The following MGAT3 variants were observed in gnomAD, a reference collection of about 807,000 sequenced individuals.
MGAT3 encodes the protein beta-1,4-mannosyl-glycoprotein 4-beta-N-acetylglucosaminyltransferase.
MGAT3 carries 9 observed loss-of-function variants against 29.8 expected under a neutral mutation model. That is an observed-to-expected ratio of 0.30 (90% confidence interval 0.18 to 0.53). The LOEUF is 0.53. MGAT3 is among the 20% of genes least tolerant of loss of function. The pLI, the probability that MGAT3 is intolerant of heterozygous loss-of-function variation, is 0.96. For missense variants in MGAT3, 557 were observed against 769.5 expected, an observed-to-expected ratio of 0.72 and a Z score of 3.27; for synonymous variants, 397 against 348.9, an observed-to-expected ratio of 1.14 and a Z score of -1.54.
chr22:39,479,330 A>C lies in MGAT3; in HGVS notation c.-1-8017A>C, dbSNP rs764044792. 9.9e-5 allele frequency among the ~76,000 whole-genome samples: 15 copies of C among 152,186 alleles called. No individual in the cohort carries two copies. The South Asian group carries it at 1.2e-3, about 13-fold the overall frequency. ...CTCCAGCCTGCCTGGGTAACAAAGA[A>C]AGACAAAACCCTGTCTAAAAAAATT... On this transcript the variant is annotated intron_variant, in intron 1 of 1. Transcript: ENST00000341184.
In MGAT3 at chr22:39,487,844, G is replaced by A. The variant is rs757521331; in HGVS notation, c.497G>A (p.Arg166His). ...RERTGGRGAR[R>H]KWVECVCLPG... ...CGCACGGGGGGCCGAGGCGCCCGGC[G>A]CAAGTGGGTGGAGTGCGTGTGCCTG... The change falls in exon 2 of 2, where the codon CGC (arginine) becomes CAC (histidine). Residue 166 changes from arginine (R) to histidine (H), a missense_variant. Transcript: ENST00000341184. This position sits in a 1 kb window ranked among gnomAD's most constrained non-coding sequence, Gnocchi z 5.7. The A allele has an allele frequency of 6.5e-7, 1 of 1,527,406 alleles. No individual in the cohort carries two copies. Among genetic ancestry groups the A allele is most frequent in the African/African-American group, 1.4e-5 (1 of 72,976 alleles). The allele number at this position is 1,527,406 out of a possible 1,614,324, so 94.6% of individuals were successfully genotyped here.
In MGAT3 at chr22:39,467,934, C is replaced by T. The variant is rs115407522; in HGVS notation, c.-2+10377C>T. ...TGTGGGTCTTCCAGAACATGGAGCT[C>T]GGAGGCCGCCACCCTCACCTTGATG... On this transcript the variant is annotated intron_variant, in intron 1 of 1. Transcript: ENST00000341184. 7.4e-3 allele frequency among the ~76,000 whole-genome samples: 1,121 copies of T among 151,742 alleles called. 14 individuals are homozygous for T. The highest frequency in any genetic ancestry group is 0.026 in the African/African-American group (1,055 of 41,340).
At chr22:39,459,541 G>A (rs1419039382) in intron 1 of MGAT3, among the ~76,000 whole-genome samples, 1 of 152,134 alleles carries the variant, frequency 6.6e-6, no homozygotes, top group Non-Finnish European at 1.5e-5. Flanking sequence ...ATAGGTCACA[G>A]CAGCCCCAAC....
chr22:39,484,840 T>G (rs1006511763), intron 1 of MGAT3, among the ~76,000 whole-genome samples: 4 of 151,960 alleles, frequency 2.6e-5, no homozygotes, highest in African/African-American at 9.7e-5. Context: ...ACATCTGCAC[T>G]AAAAATACAA....
intron 1 of MGAT3, among the ~76,000 whole-genome samples, chr22:39,481,775 A>G (rs926895812): frequency 6.6e-6 from 1 of 152,110 alleles, no homozygotes; most frequent in South Asian, 2.1e-4. Context: ...TGATCCTTCT[A>G]TTGTGCAATG....
In MGAT3 at chr22:39,478,140, C is replaced by T. The variant is rs773977021; in HGVS notation, c.-1-9207C>T. On this transcript the variant is annotated intron_variant, in intron 1 of 1. Transcript: ENST00000341184. ...CGGGTGGAAGGTGAGCACAGGGAGACGGGCTTCAGCGCGAAGCCCTTTCGT... is the reference window on the plus strand; with the variant it reads ...CGGGTGGAAGGTGAGCACAGGGAGATGGGCTTCAGCGCGAAGCCCTTTCGT... 2.9e-4 allele frequency among the ~76,000 whole-genome samples: 44 copies of T among 152,232 alleles called. 2 individuals are homozygous for T. Among genetic ancestry groups the T allele is most frequent in the Non-Finnish European group, 4.4e-5 (3 of 68,038 alleles).
At chr22:39,471,562 C>G (rs954593724) in intron 1 of MGAT3, among the ~76,000 whole-genome samples, 2 of 152,146 alleles carry the variant, frequency 1.3e-5, no homozygotes, top group African/African-American at 4.8e-5. Flanking sequence ...TCCCAGCCCC[C>G]ACTCCTACCC....
chr22:39,482,195 C>T (rs1013937676), intron 1 of MGAT3, among the ~76,000 whole-genome samples: 1 of 151,082 alleles, frequency 6.6e-6, no homozygotes, highest in South Asian at 2.1e-4. Context: ...CCATGTTGCC[C>T]AAGCTGGTCT....
intron 1 of MGAT3, among the ~76,000 whole-genome samples, chr22:39,460,449 G>C (rs571192810): frequency 5.3e-5 from 8 of 152,132 alleles, no homozygotes; most frequent in African/African-American, 7.2e-5. Flanking sequence ...CTCTCTCACT[G>C]TGTGACTGTG....
Position 39,487,496 on chromosome 22 carries a change from T to A in MGAT3, c.149T>A (p.Phe50Tyr). 1 of 1,612,942 alleles carries A rather than the reference T, an allele frequency of 6.2e-7. No homozygotes were observed. The highest frequency in any genetic ancestry group is 8.5e-7 in the Non-Finnish European group (1 of 1,179,910). The change falls in exon 2 of 2, where the codon TTC (phenylalanine) becomes TAC (tyrosine). Residue 50 changes from phenylalanine (F) to tyrosine (Y), a missense_variant. Coordinates refer to ENST00000341184, the MANE Select transcript of MGAT3 (RefSeq NM_002409.5). The surrounding 1 kb of genome is among the most constrained non-coding windows in gnomAD (Gnocchi z 5.7). ...SLSPNLVSSF[F>Y]WNNAPVTPQA... ...AGCCCTAACCTGGTGTCCAGCTTTT[T>A]CTGGAACAATGCCCCGGTCACGCCC... is the stretch of plus-strand genomic sequence containing the variant.
chr22:39,486,236 C>T, intron 1 of MGAT3: 1 of 394,268 alleles, frequency 2.5e-6, no homozygotes, highest in Non-Finnish European at 4.9e-6. Flanking sequence ...CAACTTCCGC[C>T]CCCTGGGTTC....
At chr22:39,467,090 A>G (rs956333991) in intron 1 of MGAT3, among the ~76,000 whole-genome samples, 5 of 152,248 alleles carry the variant, frequency 3.3e-5, no homozygotes, top group South Asian at 4.1e-4. Flanking sequence ...ATGTGTATGC[A>G]CACAGCATGA....
intron 1 of MGAT3, among the ~76,000 whole-genome samples, chr22:39,482,253 C>T (rs1421590359): frequency 3.3e-5 from 5 of 151,174 alleles, no homozygotes; most frequent in Non-Finnish European, 5.9e-5. Flanking sequence ...TCCCAAAGTG[C>T]AGAGATTCCA....
At position 39,486,505 on chromosome 22, in the gene MGAT3, T is replaced by G. The variant is rs533743826; in HGVS notation, c.-1-842T>G. Reference sequence around the variant, plus strand: ...TGGAATAATGAAGGGGAACTTTTATTTTATTTTGTTTTTGAGATAGGGTCT... The same window carrying G: ...TGGAATAATGAAGGGGAACTTTTATGTTATTTTGTTTTTGAGATAGGGTCT... On this transcript the variant is annotated intron_variant, in intron 1 of 1. Transcript: ENST00000341184. Among the ~76,000 whole-genome samples the G allele has an allele frequency of 2.0e-5, 3 of 152,070 alleles. No individual in the cohort carries two copies. The South Asian group carries it at 6.2e-4, about 32-fold the overall frequency.
chr22:39,474,803 C>A (rs1317908447), intron 1 of MGAT3, among the ~76,000 whole-genome samples: 1 of 152,214 alleles, frequency 6.6e-6, no homozygotes, highest in Non-Finnish European at 1.5e-5. Flanking sequence ...TGGCCTGTTC[C>A]CCCAGGCCAA....
intron 1 of MGAT3, among the ~76,000 whole-genome samples, chr22:39,468,880 C>T (rs913063909): frequency 4.0e-5 from 6 of 151,834 alleles, no homozygotes; most frequent in African/African-American, 1.5e-4. Context: ...GGAACAGGCA[C>T]GGAGATTGAA....
rs1801276579 is a variant in MGAT3 at position 39,488,967 on chromosome 22, G to C, written c.*18G>C. On this transcript the variant is annotated 3_prime_UTR_variant, in exon 2 of 2. Coordinates refer to ENST00000341184, the MANE Select transcript of MGAT3 (RefSeq NM_002409.5). ...AAGTCTAGAGCTGCATGATCTGATAGGGTTTGTGACAGGGCGGGGGTGGCG... is the reference window on the plus strand; with the variant it reads ...AAGTCTAGAGCTGCATGATCTGATACGGTTTGTGACAGGGCGGGGGTGGCG... The C allele has an allele frequency of 5.0e-6, 8 of 1,596,738 alleles. No individual in the cohort carries two copies. The highest frequency in any genetic ancestry group is 2.3e-5 in the East Asian group (1 of 44,210).
Position 39,488,200 on chromosome 22 carries a change from G to C in MGAT3, c.853G>C (p.Gly285Arg). The C allele has an allele frequency of 6.2e-7, 1 of 1,612,792 alleles. No homozygotes were observed. Among genetic ancestry groups the C allele is most frequent in the Non-Finnish European group, 8.5e-7 (1 of 1,179,932 alleles). ...CTTCCCGCCCGGCGGCCGGCAGGACGGCTGGATCGCCGACGACTACCTGCG... is the reference window on the plus strand; with the variant it reads ...CTTCCCGCCCGGCGGCCGGCAGGACCGCTGGATCGCCGACGACTACCTGCG... Reference protein sequence around the residue: ...DHFPPGGRQDGWIADDYLRTF... With the variant: ...DHFPPGGRQDRWIADDYLRTF... Residue 285 changes from glycine to arginine, a missense_variant, in exon 2 of 2, where the codon GGC becomes CGC. Physicochemically the swap from Gly to Arg is moderately radical, Grantham distance 125 (BLOSUM62 -2). Transcript: ENST00000341184.
Position 39,487,865 on chromosome 22 carries a change from G to T in MGAT3, c.518G>T (p.Cys173Phe). Residue 173 changes from cysteine (C) to phenylalanine (F), a missense_variant, in exon 2 of 2, where the codon TGC (cysteine) becomes TTC (phenylalanine). Around this residue, in one of 3 missense-constraint regions of MGAT3, gnomAD observed 243 missense variants for 444.0 expected, o/e 0.55. Transcript: ENST00000341184. This position sits in a 1 kb window ranked among gnomAD's most constrained non-coding sequence, Gnocchi z 5.7. ...GARRKWVECV[C>F]LPGWHGPSCG... ...CGGCGCAAGTGGGTGGAGTGCGTGT[G>T]CCTGCCCGGCTGGCACGGACCCAGC... 1 of 1,555,684 alleles carries T rather than the reference G, an allele frequency of 6.4e-7. No homozygotes were observed.
Sources: allele counts gnomAD v4.1 joint callset (sites outside exome capture counted in the v4.1 genomes callset), GRCh38; gene constraint gnomAD v4.1.1; regional missense constraint gnomAD v4.1.1; non-coding constraint Gnocchi (gnomAD v3.1); transcripts MANE v1.5; gene names NCBI Gene and HGNC (gene_info 2026-07-23, HGNC 2026-07-21).